The following TMEM39A variants were observed in gnomAD, a reference collection of about 807,000 sequenced individuals.
The protein encoded by TMEM39A is suppressor of SQST-1 aggregates in rpl-43 mutants.
In TMEM39A, 19 loss-of-function variants were observed where a neutral mutation model predicts 51.9. That is an observed-to-expected ratio of 0.37 (90% CI 0.26 to 0.54). TMEM39A has a LOEUF of 0.54. Among genes scored for constraint, TMEM39A ranks in the 20% least tolerant of loss-of-function variants. The pLI, the probability that TMEM39A is intolerant of heterozygous loss-of-function variation, is 0.88. For synonymous variants in TMEM39A, 197 were observed against 220.2 expected, an observed-to-expected ratio of 0.89 and a Z score of 0.93; for missense variants, 433 against 590.5, an observed-to-expected ratio of 0.73 and a Z score of 2.76.
intron 5 of TMEM39A, among the ~76,000 whole-genome samples, chr3:119,444,314 T>G (rs528908927): frequency 6.6e-6 from 1 of 152,312 alleles, no homozygotes; most frequent in East Asian, 1.9e-4. Flanking sequence ...GACTAAAAAT[T>G]TATTTTCAAC....
In TMEM39A at chr3:119,429,227, C is replaced by A. The variant is rs192442844; in HGVS notation, c.*2754G>T. Among the ~76,000 whole-genome samples, 2 of 151,600 alleles carry A rather than the reference C, an allele frequency of 1.3e-5. No individual in the cohort carries two copies. Among genetic ancestry groups the A allele is most frequent in the Non-Finnish European group, 2.9e-5 (2 of 67,860 alleles). On this transcript the variant is annotated 3_prime_UTR_variant, in exon 9 of 9. Transcript: ENST00000319172. ...ATTAATTAAAAAAAAGAGAGAGAAA[C>A]GGCACAACAGGTGGCAGTGGTGGTG...
At chr3:119,460,308 G>T (rs1214659593) in intron 2 of TMEM39A, among the ~76,000 whole-genome samples, 1 of 152,008 alleles carries the variant, frequency 6.6e-6, no homozygotes, top group Admixed American at 6.6e-5. Context: ...GCAGAGAAAA[G>T]AATACCAAAC....
chr3:119,456,684 G>A lies in TMEM39A; in HGVS notation c.336+1334C>T, dbSNP rs145807027. 6.1e-3 allele frequency among the ~76,000 whole-genome samples: 935 copies of A among 152,310 alleles called. 8 individuals carry two copies. The highest frequency in any genetic ancestry group is 0.021 in the African/African-American group (859 of 41,570). On this transcript the variant is annotated intron_variant, in intron 3 of 8. Coordinates refer to ENST00000319172, the MANE Select transcript of TMEM39A (RefSeq NM_018266.3). ...ACAGTTTCCACAATCTTAGCTCACTGTAGTCTTGATCTCCTGGGCTCAGGC... is the reference window on the plus strand; with the variant it reads ...ACAGTTTCCACAATCTTAGCTCACTATAGTCTTGATCTCCTGGGCTCAGGC...
chr3:119,434,809 G>T lies in TMEM39A; in HGVS notation c.1186C>A (p.Pro396Thr), dbSNP rs764446573. 19 of 1,613,624 alleles carry T rather than the reference G, an allele frequency of 1.2e-5. No homozygotes were observed. Among genetic ancestry groups the T allele is most frequent in the Non-Finnish European group, 1.6e-5 (19 of 1,179,722 alleles). ...TCTGAAGGCACTGCCACGTTGTAAG[G>T]CCCCATGGCTCTATATAAACATCTG... ...HSRCLYRAMG[P>T]YNVAVPSDVS... is the part of the protein sequence containing the mutation. The change falls in exon 8 of 9, where the codon CCT becomes ACT. Residue 396 changes from proline (P) to threonine (T), a missense_variant. Physicochemically the swap from Pro to Thr is conservative, Grantham distance 38. Transcript: ENST00000319172.
intron 4 of TMEM39A, among the ~76,000 whole-genome samples, chr3:119,451,699 G>A (rs1192142246): frequency 1.3e-5 from 2 of 151,844 alleles, no homozygotes; most frequent in Non-Finnish European, 1.5e-5. Flanking sequence ...GCGTGGTGGC[G>A]CATGCCTGTA....
chr3:119,447,109 G>C lies in TMEM39A; in HGVS notation c.484C>G (p.Leu162Val). 2 of 1,614,154 alleles carry C rather than the reference G, an allele frequency of 1.2e-6. 1 individual carries two copies. The highest frequency in any genetic ancestry group is 1.7e-6 in the Non-Finnish European group (2 of 1,180,012). The change falls in exon 5 of 9, where the codon CTA (leucine) becomes GTA (valine). Residue 162 changes from leucine to valine, a missense_variant. By Grantham distance (32) the Leu-to-Val change is conservative. Transcript: ENST00000319172. ...AGTACCCATCCACACAAAGTGAGTA[G>C]TACCAAGCGAGCTGATATCAGAACC... ...YMVLISARLV[L>V]LTLCGWVLCW...
chr3:119,438,135 G>A (rs768804237), intron 5 of TMEM39A, 32 bp from the exon 6 acceptor site: 1 of 1,519,390 alleles, frequency 6.6e-7, no homozygotes, highest in Non-Finnish European at 9.0e-7. Context: ...TGAGACCACA[G>A]ATACCACCTA....
In TMEM39A at chr3:119,437,979, A is replaced by G. The variant is rs2107662751; in HGVS notation, c.700T>C (p.Leu234=). 1.9e-6 allele frequency: 3 copies of G among 1,614,180 alleles called. No individual in the cohort carries two copies. The highest frequency in any genetic ancestry group is 2.2e-5 in the East Asian group (1 of 44,878). Residue 234 remains leucine, a synonymous_variant, in exon 6 of 9, where the codon TTG becomes CTG. Coordinates refer to ENST00000319172, the MANE Select transcript of TMEM39A (RefSeq NM_018266.3). ...GAGAGAAAGTCTTTGGATTTGGCCA[A>G]GCCTCCCACAGTCGAGGCACTTTCC... ...VEESASTVGG[L]AKSKDFLSLL...
rs2080876889 is a variant in TMEM39A at position 119,429,806 on chromosome 3, CT to C, written c.*2174del. The C allele has an allele frequency of 6.6e-6, 1 of 152,116 alleles. No homozygotes were observed. The highest frequency in any genetic ancestry group is 2.4e-5 in the African/African-American group (1 of 41,430). 9.4% of individuals were successfully genotyped at this position (152,116 alleles called of 1,614,324 possible). On this transcript the variant is annotated 3_prime_UTR_variant, in exon 9 of 9. Coordinates refer to ENST00000319172, the MANE Select transcript of TMEM39A (RefSeq NM_018266.3). ...AATTTTTATTTATTTCTTATATCCA[CT>C]TACTTATTTAGCCAAGCCAGCATCT...
At chr3:119,445,462 G>A (rs965751193) in intron 5 of TMEM39A, among the ~76,000 whole-genome samples, 2 of 152,076 alleles carry the variant, frequency 1.3e-5, no homozygotes, top group Admixed American at 6.6e-5. Flanking sequence ...ACGGGGTTTC[G>A]CCATGTTGGC....
At chr3:119,455,029 T>C (rs2081246795) in intron 3 of TMEM39A, among the ~76,000 whole-genome samples, 1 of 152,220 alleles carries the variant, frequency 6.6e-6, no homozygotes, top group African/African-American at 2.4e-5. Context: ...ACTTCACATA[T>C]TCAGGTGTCC....
In TMEM39A at chr3:119,429,074, TTTAC is replaced by T. The variant is rs1326181477; in HGVS notation, c.*2903_*2906del. Among the ~76,000 whole-genome samples, 3 of 152,164 alleles carry T rather than the reference TTTAC, an allele frequency of 2.0e-5. No individual in the cohort carries two copies. Among genetic ancestry groups the T allele is most frequent in the African/African-American group, 7.2e-5 (3 of 41,544 alleles). ...ATGAACACCCTAGTGTGACAACTGG[TTTAC>T]TTGTCTGTCTTCTATTAGTTAATGA... is the stretch of plus-strand genomic sequence containing the variant. On this transcript the variant is annotated 3_prime_UTR_variant, in exon 9 of 9. Transcript: ENST00000319172.
chr3:119,431,787 C>T lies in TMEM39A; in HGVS notation c.*194G>A, dbSNP rs536076338. The T allele has an allele frequency of 1.2e-5, 5 of 434,274 alleles. No individual in the cohort carries two copies. Among genetic ancestry groups the T allele is most frequent in the South Asian group, 4.3e-5 (1 of 23,286 alleles). The allele number at this position is 434,274 out of a possible 1,614,324, so 26.9% of individuals were successfully genotyped here. On this transcript the variant is annotated 3_prime_UTR_variant, in exon 9 of 9. Coordinates refer to ENST00000319172, the MANE Select transcript of TMEM39A (RefSeq NM_018266.3). The stretch of plus-strand genomic sequence containing the variant: ...GCATACCTCTCATATGTATATTATT[C>T]GAATATACTAACACATGAAAGATCA...
chr3:119,451,333 T>C, intron 4 of TMEM39A: 1 of 1,275,234 alleles, frequency 7.8e-7, no homozygotes. Context: ...ATGTATGTTT[T>C]GGGAAAAAGA....
chr3:119,439,473 C>G (rs1365667893), intron 5 of TMEM39A, among the ~76,000 whole-genome samples: 1 of 148,906 alleles, frequency 6.7e-6, no homozygotes, highest in East Asian at 2.0e-4. Context: ...CCCAGCTACT[C>G]GGAGGCTGAG....
rs2080946659 is a variant in TMEM39A, at chr3:119,434,757, C to T, written c.1233+5G>A. On this transcript the variant is annotated splice_donor_5th_base_variant and intron_variant, in intron 8 of 8. Coordinates refer to ENST00000319172, the MANE Select transcript of TMEM39A (RefSeq NM_018266.3). ...TATGTTTGAAAATAAATAAGCGGTACTTGCATAAAAGCGGGCATGAGATAC... is the reference window on the plus strand; with the variant it reads ...TATGTTTGAAAATAAATAAGCGGTATTTGCATAAAAGCGGGCATGAGATAC... 1 of 1,613,256 alleles carries T rather than the reference C, an allele frequency of 6.2e-7. No individual in the cohort carries two copies. The highest frequency in any genetic ancestry group is 8.5e-7 in the Non-Finnish European group (1 of 1,179,498).
intron 5 of TMEM39A, 59 bp downstream of exon 5, chr3:119,446,959 A>G: frequency 1.9e-6 from 3 of 1,544,124 alleles, no homozygotes; most frequent in Non-Finnish European, 2.6e-6. Flanking sequence ...AGTATCGTTT[A>G]CGTGACCGAA....
intron 1 of TMEM39A, among the ~76,000 whole-genome samples, chr3:119,462,909 C>CTCTTTTCAT (rs2081359149): frequency 1.4e-5 from 2 of 141,100 alleles, no homozygotes; most frequent in African/African-American, 5.3e-5. Context: ...AAAAAAAAAG[C>CTCTTTTCAT]TCTTTTCATC....
intron 5 of TMEM39A, among the ~76,000 whole-genome samples, chr3:119,446,399 G>A (rs1431948654): frequency 6.6e-6 from 1 of 152,174 alleles, no homozygotes; most frequent in Non-Finnish European, 1.5e-5. Flanking sequence ...TAGCATGCAC[G>A]GCACAGACAT....
Sources: gnomAD v4.1 joint callset for allele counts (sites outside exome capture counted in the v4.1 genomes callset) on GRCh38, gnomAD v4.1.1 for gene constraint, MANE v1.5 for transcripts, NCBI Gene and HGNC (gene_info 2026-07-23, HGNC 2026-07-21) for gene names.